Variants in WIPF3 observed in about 807,000 individuals in gnomAD.
WIPF3 encodes WAS/WASL interacting protein family member 3, also known as WAS/WASL-interacting protein family member 3.
A neutral mutation model predicts 38.9 loss-of-function variants in WIPF3; 33 were observed. That is an observed-to-expected ratio of 0.85 (90% CI 0.64 to 1.14). WIPF3 has a LOEUF of 1.14. Among genes scored for constraint, WIPF3 ranks in the 50% most tolerant of loss-of-function variants. The pLI, the probability that WIPF3 is intolerant of heterozygous loss-of-function variation, is 0.00. For missense variants in WIPF3, 711 were observed against 652.5 expected (o/e 1.09, Z -0.98); for synonymous variants, 324 against 269.3 (o/e 1.20, Z -1.99).
chr7:29,861,742 T>C (rs78639440), intron 2 of WIPF3, among the ~76,000 whole-genome samples: 5,941 of 152,258 alleles, frequency 0.039, 187 homozygotes, highest in East Asian at 0.099. Flanking sequence ...TGGGCTTATG[T>C]GGTGAAAAAT....
chr7:29,888,360 A>G lies in WIPF3; in HGVS notation c.1249+143A>G, dbSNP rs549429571. On this transcript the variant is annotated intron_variant, in intron 6 of 8. Coordinates refer to ENST00000242140, the MANE Select transcript of WIPF3 (RefSeq NM_001080529.3). Reference sequence around the variant, plus strand: ...TGAACAGGGGCTCACTCCAGCACCAACCAGCCCATAGGTTCTGTTAAATAG... The same window carrying G: ...TGAACAGGGGCTCACTCCAGCACCAGCCAGCCCATAGGTTCTGTTAAATAG... The G allele has an allele frequency of 7.0e-5, 76 of 1,082,544 alleles. No individual in the cohort carries two copies. The African/African-American group carries it at 1.0e-3, about 15-fold the overall frequency. The allele number at this position is 1,082,544 out of a possible 1,614,324, so 67.1% of individuals were successfully genotyped here.
intron 2 of WIPF3, among the ~76,000 whole-genome samples, chr7:29,854,655 A>G (rs1317316178): frequency 6.6e-6 from 1 of 152,186 alleles, no homozygotes; most frequent in Non-Finnish European, 1.5e-5. Flanking sequence ...GATAAATGTC[A>G]GAGGCACCCA....
At chr7:29,898,007 A>G (rs1205523600) in intron 7 of WIPF3, among the ~76,000 whole-genome samples, 5 of 152,076 alleles carry the variant, frequency 3.3e-5, no homozygotes, top group Admixed American at 1.3e-4. Context: ...CTCTTAGCCA[A>G]CACTGCCTCC....
Position 29,884,342 on chromosome 7 carries a change from C to A in WIPF3, c.848C>A (p.Ala283Glu). The A allele has an allele frequency of 6.5e-7, 1 of 1,529,936 alleles. No individual in the cohort carries two copies. Among genetic ancestry groups the A allele is most frequent in the Non-Finnish European group, 8.8e-7 (1 of 1,137,002 alleles). The allele number at this position is 1,529,936 out of a possible 1,614,324, so 94.8% of individuals were successfully genotyped here. ...PGLKAEPASPAQDAQEPPAPP... is the reference protein window; with the variant it reads ...PGLKAEPASPEQDAQEPPAPP... ...CTCAAAGCGGAGCCCGCCAGCCCTG[C>A]GCAAGATGCGCAGGAGCCTCCCGCC... The change falls in exon 5 of 9, where the codon GCG (alanine) becomes GAG (glutamate). Residue 283 changes from alanine (A) to glutamate (E), a missense_variant. Ala to Glu is a moderately radical substitution (Grantham distance 107, BLOSUM62 -1). Coordinates refer to ENST00000242140, the MANE Select transcript of WIPF3 (RefSeq NM_001080529.3).
chr7:29,875,725 G>A, intron 2 of WIPF3, 105 bp from the exon 3 acceptor site: 9 of 1,471,008 alleles, frequency 6.1e-6, no homozygotes, highest in Non-Finnish European at 8.4e-6. Context: ...CTTGGGAGTG[G>A]GACGGGGAAG....
chr7:29,883,843 C>T lies in WIPF3; in HGVS notation c.356-7C>T. 1 of 1,521,806 alleles carries T rather than the reference C, an allele frequency of 6.6e-7. No homozygotes were observed. The highest frequency in any genetic ancestry group is 8.8e-7 in the Non-Finnish European group (1 of 1,133,630). 94.3% of individuals were successfully genotyped at this position (1,521,806 alleles called of 1,614,324 possible). A position where few individuals can be genotyped will look rare whatever the true frequency, so the allele number is the denominator to read the frequency against. On this transcript the variant is annotated splice_polypyrimidine_tract_variant and splice_region_variant and intron_variant, in intron 4 of 8. Coordinates refer to ENST00000242140, the MANE Select transcript of WIPF3 (RefSeq NM_001080529.3). ...CCGAGCTAACCCAGAATCTCTTTCA[C>T]TTCCAGGTGGCAAGACAGGGCAGGG...
intron 1 of WIPF3, among the ~76,000 whole-genome samples, chr7:29,807,073 G>T (rs1784293261): frequency 6.6e-6 from 1 of 152,006 alleles, no homozygotes; most frequent in African/African-American, 2.4e-5. Flanking sequence ...TCTCCGCTTC[G>T]CCCCCGGAAC....
chr7:29,815,418 T>C (rs900866025), intron 1 of WIPF3, among the ~76,000 whole-genome samples: 1 of 152,102 alleles, frequency 6.6e-6, no homozygotes, highest in Non-Finnish European at 1.5e-5. Context: ...GGCTAAAGAG[T>C]AGCCAGGGTT....
At chr7:29,897,635 T>G (rs538649890) in intron 7 of WIPF3, among the ~76,000 whole-genome samples, 13 of 152,304 alleles carry the variant, frequency 8.5e-5, no homozygotes, top group African/African-American at 3.1e-4. Flanking sequence ...CAATGGAAAC[T>G]CTCCATTAGG....
chr7:29,813,197 G>T (rs1400902085), intron 1 of WIPF3, among the ~76,000 whole-genome samples: 1 of 152,072 alleles, frequency 6.6e-6, no homozygotes, highest in African/African-American at 2.4e-5. Flanking sequence ...CCGTTACTCT[G>T]ATTTAAATAA....
chr7:29,880,218 A>G (rs1438231248), intron 4 of WIPF3, among the ~76,000 whole-genome samples: 2 of 152,230 alleles, frequency 1.3e-5, no homozygotes, highest in African/African-American at 2.4e-5. Context: ...AATACCATTA[A>G]TACAGGAGGA....
chr7:29,906,688 G>A (rs1362551389), intron 8 of WIPF3, among the ~76,000 whole-genome samples: 1 of 152,092 alleles, frequency 6.6e-6, no homozygotes, highest in African/African-American at 2.4e-5. Context: ...AAAATGCTCA[G>A]TAAAGTAAGA....
intron 1 of WIPF3, among the ~76,000 whole-genome samples, chr7:29,832,407 T>C (rs1027444437): frequency 1.1e-4 from 16 of 152,244 alleles, no homozygotes; most frequent in African/African-American, 3.9e-4. Context: ...ATTAGTTTAG[T>C]GCACCATTAG....
chr7:29,868,714 C>A (rs1177324244), intron 2 of WIPF3, among the ~76,000 whole-genome samples: 1 of 152,016 alleles, frequency 6.6e-6, no homozygotes, highest in Non-Finnish European at 1.5e-5. Context: ...ATGGTAGAGC[C>A]TACTGCACAC....
chr7:29,916,885 T>C lies in WIPF3; in HGVS notation c.*2369T>C, dbSNP rs2128083139. ...TTGGGCGCTGTAAAGGTTTAACCCC[T>C]TGACTGTAAACTCAGACTTAGAGAC... On this transcript the variant is annotated 3_prime_UTR_variant, in exon 9 of 9. Coordinates refer to ENST00000242140, the MANE Select transcript of WIPF3 (RefSeq NM_001080529.3). 6.6e-6 allele frequency: 1 copy of C among 152,322 alleles called. No homozygotes were observed. Among genetic ancestry groups the C allele is most frequent in the African/African-American group, 2.4e-5 (1 of 41,558 alleles). 9.4% of individuals were successfully genotyped at this position (152,322 alleles called of 1,614,324 possible). A position where few individuals can be genotyped will look rare whatever the true frequency, so the allele number is the denominator to read the frequency against.
chr7:29,829,298 C>T (rs925068991), intron 1 of WIPF3, among the ~76,000 whole-genome samples: 7 of 150,916 alleles, frequency 4.6e-5, no homozygotes, highest in Non-Finnish European at 1.0e-4. Context: ...CTGCAACCTC[C>T]GCCTCCCAGG....
At chr7:29,864,330 A>AT (rs929252059) in intron 2 of WIPF3, among the ~76,000 whole-genome samples, 2 of 152,100 alleles carry the variant, frequency 1.3e-5, no homozygotes, top group African/African-American at 4.8e-5. Context: ...TTATTGATTG[A>AT]TTTTGAACCA....
intron 2 of WIPF3, among the ~76,000 whole-genome samples, chr7:29,835,428 A>C (rs1411143109): frequency 6.6e-6 from 1 of 152,144 alleles, no homozygotes; most frequent in East Asian, 1.9e-4. Context: ...CCTTGGCACC[A>C]CTGACATTTG....
intron 7 of WIPF3, among the ~76,000 whole-genome samples, chr7:29,901,102 A>C (rs555830335): frequency 9.9e-5 from 15 of 152,210 alleles, no homozygotes; most frequent in Non-Finnish European, 1.9e-4. Flanking sequence ...GCCTGCTCTT[A>C]AGTGCAGTAG....
Sources: gnomAD v4.1 joint callset for allele counts (sites outside exome capture counted in the v4.1 genomes callset) on GRCh38, gnomAD v4.1.1 for gene constraint, MANE v1.5 for transcripts, NCBI Gene and HGNC (gene_info 2026-07-23, HGNC 2026-07-21) for gene names.